The following GOLGA2 variants were observed in gnomAD, a reference collection of about 807,000 sequenced individuals.
GOLGA2 encodes golgin A2, also known as golgin subfamily A member 2.
GOLGA2 carries 49 observed loss-of-function variants against 148.8 expected under a neutral mutation model. The ratio of observed to expected loss-of-function variants is 0.33; its 90% confidence interval spans 0.26 to 0.42. The LOEUF (loss-of-function observed/expected upper bound fraction) is 0.42, where lower values mean the gene tolerates loss of function less well. GOLGA2 is among the 10% of genes least tolerant of loss of function. The probability of loss-of-function intolerance (pLI) is 1.00; values close to 1 mark genes in which losing one functional copy is unlikely to be tolerated. For missense variants in GOLGA2, 1,178 were observed against 1,304.6 expected, an observed-to-expected ratio of 0.90 and a Z score of 1.49; for synonymous variants, 501 against 511.8, an observed-to-expected ratio of 0.98 and a Z score of 0.28.
In GOLGA2 at chr9:128,256,994, G is replaced by T. The variant is rs542150344; in HGVS notation, c.*73C>A. 2.5e-5 allele frequency: 28 copies of T among 1,123,078 alleles called. No homozygotes were observed. The South Asian group carries it at 3.3e-4, about 13-fold the overall frequency. The allele number at this position is 1,123,078 out of a possible 1,614,324, so 69.6% of individuals were successfully genotyped here. A position where few individuals can be genotyped will look rare whatever the true frequency, so the allele number is the denominator to read the frequency against. ...GTAAGGGTAAAGGGTTGACTGAGAA[G>T]GGATGGTAGGGATATGGTGGGGGCA... On this transcript the variant is annotated 3_prime_UTR_variant, in exon 27 of 27. Coordinates refer to ENST00000611957, the MANE Select transcript of GOLGA2 (RefSeq NM_001366244.2).
Position 128,261,089 on chromosome 9 carries a change from C to T in GOLGA2, c.1420+83G>A, listed in dbSNP as rs985071602. On this transcript the variant is annotated intron_variant, in intron 17 of 26. Transcript: ENST00000611957. The surrounding 1 kb of genome is among the most constrained non-coding windows in gnomAD (Gnocchi z 5.7). ...CTCTGCCTCAAAGCCATTCCATCCA[C>T]CCAACTCCCTGGGGCATTCTAAACC... is the stretch of plus-strand genomic sequence containing the variant. 2 of 946,602 alleles carry T rather than the reference C, an allele frequency of 2.1e-6. No homozygotes were observed. The highest frequency in any genetic ancestry group is 3.4e-5 in the Admixed American group (2 of 58,730). 58.6% of individuals were successfully genotyped at this position (946,602 alleles called of 1,614,324 possible).
intron 10 of GOLGA2, 38 bp from the exon 11 acceptor site, chr9:128,265,919 G>A (rs1830568576): frequency 1.2e-6 from 2 of 1,606,224 alleles, no homozygotes; most frequent in Admixed American, 1.7e-5. Context: ...GAAAAAGAAG[G>A]AAAGAAACAT....
In GOLGA2 at chr9:128,258,800, C is replaced by A. The variant is rs1564362534; in HGVS notation, c.2173+207G>T. The A allele has an allele frequency of 6.0e-5, 37 of 619,618 alleles. No individual in the cohort carries two copies. In the East Asian group the frequency reaches 1.0e-3, roughly 17 times the overall value. 38.4% of individuals were successfully genotyped at this position (619,618 alleles called of 1,614,324 possible). ...GAGTTCTGACCTGCTTCATTTCTGA[C>A]CTGGGCCAGTTCACCCATCCTTAGG... On this transcript the variant is annotated intron_variant, in intron 21 of 26. Transcript: ENST00000611957. This position sits in a 1 kb window ranked among gnomAD's most constrained non-coding sequence, Gnocchi z 6.6.
chr9:128,267,357 T>C, intron 7 of GOLGA2, 83 bp from the exon 8 acceptor site: 1 of 1,390,018 alleles, frequency 7.2e-7, no homozygotes, highest in Non-Finnish European at 1.0e-6. Context: ...GGGGGGTGTG[T>C]GGGCTGTCTC....
In GOLGA2 at chr9:128,260,446, T is replaced by TA. The variant is rs757443372; in HGVS notation, c.1758+18_1758+19insT. 6.3e-7 allele frequency: 1 copy of TA among 1,592,746 alleles called. No individual in the cohort carries two copies. The stretch of plus-strand genomic sequence containing the variant: ...GAGGGCTAGGGAGGAGGGCGGGCTC[T>TA]CCAGGTGGGGCAGCGCACCAGCTTT... On this transcript the variant is annotated intron_variant, in intron 18 of 26. Coordinates refer to ENST00000611957, the MANE Select transcript of GOLGA2 (RefSeq NM_001366244.2). The surrounding 1 kb of genome is among the most constrained non-coding windows in gnomAD (Gnocchi z 4.8).
At position 128,258,964 on chromosome 9, in the gene GOLGA2, CT is replaced by C; in HGVS notation, c.2173+42del. On this transcript the variant is annotated intron_variant, in intron 21 of 26. Transcript: ENST00000611957. This position sits in a 1 kb window ranked among gnomAD's most constrained non-coding sequence, Gnocchi z 6.6. ...TCTACGCTGCTAACAGTCCCCCCTTCTTCCTGGGGCTCTCTCCTCTTCCTGT... is the reference window on the plus strand; with the variant it reads ...TCTACGCTGCTAACAGTCCCCCCTTCTCCTGGGGCTCTCTCCTCTTCCTGT... 7.8e-7 allele frequency: 1 copy of C among 1,274,260 alleles called. No homozygotes were observed. The highest frequency in any genetic ancestry group is 1.1e-6 in the Non-Finnish European group (1 of 878,890). The allele number at this position is 1,274,260 out of a possible 1,614,324, so 78.9% of individuals were successfully genotyped here. A position where few individuals can be genotyped will look rare whatever the true frequency, so the allele number is the denominator to read the frequency against.
rs752373787 is a variant in GOLGA2 at position 128,273,887 on chromosome 9, T to C, written c.170A>G (p.Glu57Gly). 2 of 1,614,100 alleles carry C rather than the reference T, an allele frequency of 1.2e-6. No homozygotes were observed. Among genetic ancestry groups the C allele is most frequent in the South Asian group, 2.2e-5 (2 of 91,084 alleles). Residue 57 changes from glutamate (E) to glycine (G), a missense_variant, in exon 2 of 27, where the codon GAG becomes GGG. Physicochemically the swap from Glu to Gly is moderately conservative, Grantham distance 98 (BLOSUM62 -2). Transcript: ENST00000611957. ...GTGGCAACCACCAGAAGTGGTTGTC[T>C]CAGGGTTACTGCCATTTTTTATTTT... ...KKKIKNGSNPETTTSGGCHSP... is the reference protein window; with the variant it reads ...KKKIKNGSNPGTTTSGGCHSP...
In GOLGA2 at chr9:128,266,040, G is replaced by A. The variant is rs556766131; in HGVS notation, c.682-20C>T. 1.2e-6 allele frequency: 2 copies of A among 1,602,284 alleles called. No individual in the cohort carries two copies. Among genetic ancestry groups the A allele is most frequent in the East Asian group, 4.5e-5 (2 of 44,826 alleles). ...CTTTTCCTATAGGAAGAGGAAGACA[G>A]AGCTCTTACGAGGGGGAGGCAGAGA... On this transcript the variant is annotated intron_variant, in intron 9 of 26. Coordinates refer to ENST00000611957, the MANE Select transcript of GOLGA2 (RefSeq NM_001366244.2). The surrounding 1 kb of genome is among the most constrained non-coding windows in gnomAD (Gnocchi z 4.2).
rs1435962991 is a variant in GOLGA2, at chr9:128,261,133, C to G, written c.1420+39G>C. On this transcript the variant is annotated intron_variant, in intron 17 of 26. Transcript: ENST00000611957. This position sits in a 1 kb window ranked among gnomAD's most constrained non-coding sequence, Gnocchi z 5.7. ...CTAAACCACCCCCACAACCCTCTGACACCATTCCTGCTCCCAGGTCACCCC... is the reference window on the plus strand; with the variant it reads ...CTAAACCACCCCCACAACCCTCTGAGACCATTCCTGCTCCCAGGTCACCCC... 12 of 1,387,162 alleles carry G rather than the reference C, an allele frequency of 8.7e-6. No homozygotes were observed. The highest frequency in any genetic ancestry group is 1.1e-5 in the Non-Finnish European group (11 of 973,328). The allele number at this position is 1,387,162 out of a possible 1,614,324, so 85.9% of individuals were successfully genotyped here.
chr9:128,268,825 G>A (rs1205761214), intron 3 of GOLGA2, among the ~76,000 whole-genome samples: 2 of 152,182 alleles, frequency 1.3e-5, no homozygotes, highest in African/African-American at 4.8e-5. Flanking sequence ...AGCCACAGCA[G>A]GCAGGAGGAA....
Position 128,258,959 on chromosome 9 carries a change from C to G in GOLGA2, c.2173+48G>C, listed in dbSNP as rs866650120. ...TCAATTCTACGCTGCTAACAGTCCC[C>G]CCTTCTTCCTGGGGCTCTCTCCTCT... On this transcript the variant is annotated intron_variant, in intron 21 of 26. Coordinates refer to ENST00000611957, the MANE Select transcript of GOLGA2 (RefSeq NM_001366244.2). The surrounding 1 kb of genome is among the most constrained non-coding windows in gnomAD (Gnocchi z 6.6). 1 of 1,199,006 alleles carries G rather than the reference C, an allele frequency of 8.3e-7. No homozygotes were observed. The highest frequency in any genetic ancestry group is 1.9e-4 in the Middle Eastern group (1 of 5,192). 74.3% of individuals were successfully genotyped at this position (1,199,006 alleles called of 1,614,324 possible). A position where few individuals can be genotyped will look rare whatever the true frequency, so the allele number is the denominator to read the frequency against.
Position 128,268,416 on chromosome 9 carries a change from G to T in GOLGA2, c.393+4C>A. 3 of 1,549,476 alleles carry T rather than the reference G, an allele frequency of 1.9e-6. No individual in the cohort carries two copies. The highest frequency in any genetic ancestry group is 2.2e-5 in the East Asian group (1 of 44,574). The stretch of plus-strand genomic sequence containing the variant: ...CAGTGGGCAGAGGGGGAGGAGGCAC[G>T]AACCTGAGATGCCGCCATGCTAGTG... On this transcript the variant is annotated splice_donor_region_variant and intron_variant, in intron 4 of 26. Transcript: ENST00000611957.
chr9:128,264,247 T>G (rs1162001236), intron 12 of GOLGA2, among the ~76,000 whole-genome samples: 1 of 149,940 alleles, frequency 6.7e-6, no homozygotes, highest in Non-Finnish European at 1.5e-5. Context: ...ATATATGTAT[T>G]TATTTGAGAT....
rs1230294981 is a variant in GOLGA2 at position 128,267,508 on chromosome 9, A to G, written c.511T>C (p.Cys171Arg). The change falls in exon 7 of 27, where the codon TGT (cysteine) becomes CGT (arginine). Residue 171 changes from cysteine (C) to arginine (R), a missense_variant. This residue lies in a region of GOLGA2 where 304 missense variants were observed against 404.1 expected (regional missense o/e 0.75). Transcript: ENST00000611957. ...LNGLVCESAT[C>R]VNGEGPASSA... Reference sequence around the variant, plus strand: ...GATGCAGGGCCCTCCCCATTGACACATGTCGCAGACTATAAGAGACGAGAG... The same window carrying G: ...GATGCAGGGCCCTCCCCATTGACACGTGTCGCAGACTATAAGAGACGAGAG... 7.4e-6 allele frequency: 12 copies of G among 1,612,128 alleles called. No individual in the cohort carries two copies. Among genetic ancestry groups the G allele is most frequent in the South Asian group, 1.1e-5 (1 of 91,044 alleles).
intron 3 of GOLGA2, among the ~76,000 whole-genome samples, chr9:128,272,439 G>A (rs1044548304): frequency 1.3e-5 from 2 of 151,376 alleles, no homozygotes; most frequent in Admixed American, 1.3e-4. Flanking sequence ...AGCCAAGATT[G>A]TGCCACTGCA....
chr9:128,267,507 CAT>C lies in GOLGA2; in HGVS notation c.510_511del (p.Val172GlnfsTer10), dbSNP rs1383001377. The stretch of plus-strand genomic sequence containing the variant: ...CGATGCAGGGCCCTCCCCATTGACA[CAT>C]GTCGCAGACTATAAGAGACGAGAGT... On this transcript the variant is annotated frameshift_variant, in exon 7 of 27. Transcript: ENST00000611957. 6 of 1,612,644 alleles carry C rather than the reference CAT, an allele frequency of 3.7e-6. No individual in the cohort carries two copies. Among genetic ancestry groups the C allele is most frequent in the East Asian group, 4.5e-5 (2 of 44,886 alleles).
chr9:128,260,847 A>C lies in GOLGA2; in HGVS notation c.1421-45T>G. ...ATAAAAGCCTCTGGATTCTCAAAAA[A>C]ACCCTCCTCTTGGTCCATACCTCCT... On this transcript the variant is annotated intron_variant, in intron 17 of 26. Coordinates refer to ENST00000611957, the MANE Select transcript of GOLGA2 (RefSeq NM_001366244.2). This position sits in a 1 kb window ranked among gnomAD's most constrained non-coding sequence, Gnocchi z 4.8. 5 of 1,371,984 alleles carry C rather than the reference A, an allele frequency of 3.6e-6. No homozygotes were observed. The highest frequency in any genetic ancestry group is 4.0e-6 in the Non-Finnish European group (4 of 1,001,556). The allele number at this position is 1,371,984 out of a possible 1,614,324, so 85.0% of individuals were successfully genotyped here.
At position 128,257,300 on chromosome 9, in the gene GOLGA2, AG is replaced by A; in HGVS notation, c.2876-20del. On this transcript the variant is annotated intron_variant, in intron 26 of 26. Coordinates refer to ENST00000611957, the MANE Select transcript of GOLGA2 (RefSeq NM_001366244.2). The surrounding 1 kb of genome is among the most constrained non-coding windows in gnomAD (Gnocchi z 8.0). ...CAAAGATCTTTGGAGAGAGAGAGGC[AG>A]GGCTCTGAGTGCCACGCGAGCCCTC... 6.2e-7 allele frequency: 1 copy of A among 1,612,466 alleles called. No homozygotes were observed. Among genetic ancestry groups the A allele is most frequent in the Non-Finnish European group, 8.5e-7 (1 of 1,179,454 alleles).
Position 128,273,964 on chromosome 9 carries a change from T to C in GOLGA2, c.93A>G (p.Glu31=). Residue 31 remains glutamate, a synonymous_variant, in exon 2 of 27, where the codon GAA becomes GAG. Coordinates refer to ENST00000611957, the MANE Select transcript of GOLGA2 (RefSeq NM_001366244.2). The part of the protein sequence containing the change: ...KLAAAKKKLR[E]YQQRNSPGVP... ...CACCAGGGCTATTCCTCTGCTGATA[T>C]TCTCTCAACTGTGGAAAAGAAGAGC... The C allele has an allele frequency of 1.9e-6, 3 of 1,612,734 alleles. No homozygotes were observed. The highest frequency in any genetic ancestry group is 2.5e-6 in the Non-Finnish European group (3 of 1,178,912).
Sources: allele counts gnomAD v4.1 joint callset (sites outside exome capture counted in the v4.1 genomes callset), GRCh38; gene constraint gnomAD v4.1.1; regional missense constraint gnomAD v4.1.1; non-coding constraint Gnocchi (gnomAD v3.1); transcripts MANE v1.5; gene names NCBI Gene and HGNC (gene_info 2026-07-23, HGNC 2026-07-21).